KHDRBS2: variants seen among roughly 807,000 people sequenced by gnomAD.
KHDRBS2 encodes KH domain-containing, RNA-binding, signal transduction-associated protein 2.
A neutral mutation model predicts 44.3 loss-of-function variants in KHDRBS2; 26 were observed. That is an observed-to-expected ratio of 0.59 (90% CI 0.43 to 0.81). The LOEUF is 0.81. Ranked by LOEUF, KHDRBS2 falls within the 40% of genes least tolerant of loss-of-function variation. The pLI, the probability that KHDRBS2 is intolerant of heterozygous loss-of-function variation, is 0.00. For synonymous variants in KHDRBS2, 194 were observed against 151.1 expected (o/e 1.28, Z -2.08); for missense variants, 476 against 433.1 (o/e 1.10, Z -0.88).
chr6:62,257,739 A>G (rs1264280313), intron 1 of KHDRBS2, among the ~76,000 whole-genome samples: 1 of 151,984 alleles, frequency 6.6e-6, no homozygotes, highest in Non-Finnish European at 1.5e-5. Context: ...GACCTACTTT[A>G]AGAGTTTTAA....
At chr6:61,666,455 C>G in the KHDRBS2 span, among the ~76,000 whole-genome samples, 1 of 151,094 alleles carries the variant, frequency 6.6e-6, no homozygotes, top group African/African-American at 2.4e-5. Context: ...ATTTTATTAC[C>G]AAATATATAT....
chr6:61,802,628 A>G (rs892505215), intron 6 of KHDRBS2, among the ~76,000 whole-genome samples: 4 of 152,176 alleles, frequency 2.6e-5, no homozygotes, highest in Non-Finnish European at 4.4e-5. Context: ...AATGGCTCCC[A>G]TGTCCCTAAG....
rs533758168 is a variant in KHDRBS2 at position 62,109,103 on chromosome 6, A to T, written c.220-61109T>A. ...CCTAAAACTTAAAGTATAATAATAA[A>T]AAAAAAAAAGAAGCCAACAGTTGTA... On this transcript the variant is annotated intron_variant, in intron 2 of 8. Coordinates refer to ENST00000281156, the MANE Select transcript of KHDRBS2 (RefSeq NM_152688.4). Among the ~76,000 whole-genome samples, 822 of 151,454 alleles carry T rather than the reference A, an allele frequency of 5.4e-3. 9 individuals are homozygous for T. The highest frequency in any genetic ancestry group is 0.019 in the African/African-American group (765 of 41,310).
At position 61,954,869 on chromosome 6, in the gene KHDRBS2, C is replaced by T. The variant is rs1317946182; in HGVS notation, c.483+23197G>A. On this transcript the variant is annotated intron_variant, in intron 4 of 8. Coordinates refer to ENST00000281156, the MANE Select transcript of KHDRBS2 (RefSeq NM_152688.4). Reference sequence around the variant, plus strand: ...ACATATGCATGTGTATATACACATACATATGTGTATATATGTATATATACA... The same window carrying T: ...ACATATGCATGTGTATATACACATATATATGTGTATATATGTATATATACA... Among the ~76,000 whole-genome samples the T allele has an allele frequency of 5.5e-4, 43 of 78,254 alleles. 6 individuals carry two copies. The highest frequency in any genetic ancestry group is 2.0e-3 in the African/African-American group (41 of 20,248). The allele number at this position is 78,254 out of a possible 152,430, so 51.3% of individuals were successfully genotyped here. A position where few individuals can be genotyped will look rare whatever the true frequency, so the allele number is the denominator to read the frequency against.
At chr6:62,240,680 A>G (rs1217753344) in intron 1 of KHDRBS2, among the ~76,000 whole-genome samples, 5,904 of 101,258 alleles carry the variant, frequency 0.058, 156 homozygotes, top group African/African-American at 0.098. Flanking sequence ...GTGTATATAT[A>G]TATATATATA....
chr6:61,980,781 C>A (rs1015515515), intron 3 of KHDRBS2, among the ~76,000 whole-genome samples: 3 of 152,332 alleles, frequency 2.0e-5, no homozygotes, highest in Middle Eastern at 3.4e-3. Flanking sequence ...CACAACTCTG[C>A]AGGACAGAGG....
chr6:61,863,216 T>A (rs1583222551), intron 6 of KHDRBS2, among the ~76,000 whole-genome samples: 1 of 151,876 alleles, frequency 6.6e-6, no homozygotes, highest in East Asian at 1.9e-4. Flanking sequence ...TTTCCTTATT[T>A]TTTCAAAAAA....
At chr6:61,852,450 G>A (rs983655937) in intron 6 of KHDRBS2, among the ~76,000 whole-genome samples, 1 of 151,550 alleles carries the variant, frequency 6.6e-6, no homozygotes, top group Non-Finnish European at 1.5e-5. Context: ...TATAGTCCCA[G>A]CTACTCAGGA....
intron 2 of KHDRBS2, 90 bp from the exon 3 acceptor site, chr6:62,048,084 A>G (rs1194411266): frequency 2.7e-6 from 2 of 738,934 alleles, no homozygotes; most frequent in African/African-American, 1.7e-5. Context: ...TAGGTTTTCC[A>G]AACTTTACCA....
chr6:61,770,523 G>A (rs559252203), intron 6 of KHDRBS2, among the ~76,000 whole-genome samples: 24 of 152,322 alleles, frequency 1.6e-4, no homozygotes, highest in African/African-American at 4.8e-4. Flanking sequence ...CAAGGCACGA[G>A]AGCTATGTGA....
intron 1 of KHDRBS2, among the ~76,000 whole-genome samples, chr6:62,220,687 C>G: frequency 6.6e-6 from 1 of 151,236 alleles, no homozygotes; most frequent in East Asian, 1.9e-4. Context: ...TGAAAGAATA[C>G]CATAAGAACA....
intron 2 of KHDRBS2, among the ~76,000 whole-genome samples, chr6:62,102,714 T>C (rs1203964425): frequency 6.6e-6 from 1 of 152,126 alleles, no homozygotes; most frequent in African/African-American, 2.4e-5. Context: ...TATAGTGTTA[T>C]AGCAACTCTG....
intron 2 of KHDRBS2, among the ~76,000 whole-genome samples, chr6:62,062,129 A>C (rs1215116421): frequency 1.3e-5 from 2 of 148,660 alleles, no homozygotes; most frequent in East Asian, 4.0e-4. Context: ...TTCATAAAGC[A>C]AGTCCTGAGT....
intron 6 of KHDRBS2, among the ~76,000 whole-genome samples, chr6:61,820,119 C>A (rs1269811795): frequency 2.0e-5 from 3 of 151,962 alleles, no homozygotes; most frequent in Admixed American, 2.0e-4. Context: ...TTGTCTGAGC[C>A]AGAAAGAAAG....
chr6:61,694,708 A>G (rs1033841572), intron 8 of KHDRBS2, among the ~76,000 whole-genome samples: 8 of 152,200 alleles, frequency 5.3e-5, no homozygotes, highest in African/African-American at 1.7e-4. Context: ...TGGGATTTGG[A>G]TGCTAGTGTT....
chr6:62,194,754 A>G (rs1481094786), intron 1 of KHDRBS2, among the ~76,000 whole-genome samples: 1 of 151,684 alleles, frequency 6.6e-6, no homozygotes, highest in African/African-American at 2.4e-5. Context: ...TGATTCACTC[A>G]TGGTGGTCTC....
chr6:62,079,074 T>C (rs1173509398), intron 2 of KHDRBS2, among the ~76,000 whole-genome samples: 1 of 151,926 alleles, frequency 6.6e-6, no homozygotes, highest in Admixed American at 6.6e-5. Flanking sequence ...TCTAAAAAAA[T>C]TGCTTTAAAT....
chr6:61,691,559 G>GA (rs1304847956), intron 8 of KHDRBS2, among the ~76,000 whole-genome samples: 2 of 151,890 alleles, frequency 1.3e-5, no homozygotes, highest in Admixed American at 6.6e-5. Context: ...ATAAATCTCA[G>GA]AAAAAATAAA....
At chr6:61,607,924 G>A in the KHDRBS2 span, among the ~76,000 whole-genome samples, 1 of 152,168 alleles carries the variant, frequency 6.6e-6, no homozygotes, top group Non-Finnish European at 1.5e-5. Flanking sequence ...CTGACCTCAA[G>A]TGATCCGCCT....
Sources: gnomAD v4.1 joint callset for allele counts (sites outside exome capture counted in the v4.1 genomes callset) on GRCh38, gnomAD v4.1.1 for gene constraint, MANE v1.5 for transcripts, NCBI Gene and HGNC (gene_info 2026-07-23, HGNC 2026-07-21) for gene names.